FRY: variants seen among roughly 807,000 people sequenced by gnomAD.
FRY encodes protein furry homolog.
FRY carries 128 observed loss-of-function variants against 348.4 expected under a neutral mutation model. The ratio of observed to expected loss-of-function variants is 0.37; its 90% CI spans 0.32 to 0.43. The LOEUF (loss-of-function observed/expected upper bound fraction) is 0.43, where lower values mean the gene tolerates loss of function less well. FRY is among the 20% of genes least tolerant of loss of function. The probability of loss-of-function intolerance (pLI) is 1.00; values close to 1 mark genes in which losing one functional copy is unlikely to be tolerated. For synonymous variants in FRY, 1,370 were observed against 1,374.7 expected, an observed-to-expected ratio of 1.00 and a Z score of 0.08; for missense variants, 2,736 against 3,695.2, an observed-to-expected ratio of 0.74 and a Z score of 6.73.
chr13:32,258,974 T>C (rs550694877), intron 51 of FRY, among the ~76,000 whole-genome samples: 1 of 152,244 alleles, frequency 6.6e-6, no homozygotes, highest in East Asian at 1.9e-4. Context: ...TGAAAAAAAG[T>C]GTCAAAAAAT....
At chr13:32,117,308 C>T (rs374711646) in intron 3 of FRY, 26 bp from the exon 4 acceptor site, 7 of 1,611,972 alleles carry the variant, frequency 4.3e-6, no homozygotes, top group Non-Finnish European at 5.9e-6. Flanking sequence ...TACCAGTGTT[C>T]TAATCACCTG....
intron 29 of FRY, among the ~76,000 whole-genome samples, chr13:32,200,277 C>T (rs181034144): frequency 2.6e-5 from 4 of 152,258 alleles, no homozygotes; most frequent in African/African-American, 7.2e-5. Context: ...TAAAACAGAA[C>T]TTCTTAGATA....
At chr13:32,158,289 T>C (rs1216743058) in intron 16 of FRY, among the ~76,000 whole-genome samples, 2 of 152,200 alleles carry the variant, frequency 1.3e-5, no homozygotes, top group Non-Finnish European at 2.9e-5. Context: ...GTTTCTTGGA[T>C]CAATGTGATT....
chr13:32,290,424 C>A (rs555634683), intron 59 of FRY, among the ~76,000 whole-genome samples: 17 of 152,180 alleles, frequency 1.1e-4, no homozygotes, highest in African/African-American at 3.9e-4. Context: ...AATGGACTCT[C>A]AGAGGGTGAG....
chr13:32,242,321 G>C (rs537534787), intron 46 of FRY, among the ~76,000 whole-genome samples: 15 of 152,146 alleles, frequency 9.9e-5, no homozygotes, highest in Non-Finnish European at 2.2e-4. Flanking sequence ...CGAGAAGTTG[G>C]TCTTCATAAA....
chr13:32,183,291 C>CT (rs1882816540), intron 24 of FRY, among the ~76,000 whole-genome samples: 2 of 152,254 alleles, frequency 1.3e-5, no homozygotes, highest in African/African-American at 4.8e-5. Context: ...CTATTACATT[C>CT]TTTTGCAGGA....
chr13:32,191,739 A>G (rs1331195433), intron 28 of FRY, among the ~76,000 whole-genome samples: 3 of 152,282 alleles, frequency 2.0e-5, no homozygotes, highest in African/African-American at 7.2e-5. Context: ...CTCACTTGAC[A>G]TAAGAGACAA....
In FRY at chr13:32,081,139, A is replaced by G. The variant is rs565367042; in HGVS notation, c.270+2106A>G. 1.4e-4 allele frequency among the ~76,000 whole-genome samples: 22 copies of G among 152,266 alleles called. No individual in the cohort carries two copies. In the South Asian group the frequency reaches 4.6e-3, roughly 32 times the overall value. On this transcript the variant is annotated intron_variant, in intron 2 of 60. Coordinates refer to ENST00000542859, the MANE Select transcript of FRY (RefSeq NM_023037.3). ...TAGCATTCTTTTAATAGAAGTAGAC[A>G]TTTTTGTTCCTCTCTATGAAACAAC... is the stretch of plus-strand genomic sequence containing the variant.
intron 50 of FRY, among the ~76,000 whole-genome samples, chr13:32,252,336 T>C (rs1887126653): frequency 6.6e-6 from 1 of 152,208 alleles, no homozygotes; most frequent in Non-Finnish European, 1.5e-5. Context: ...TACACACGCT[T>C]CTTACTCTCA....
chr13:32,092,835 A>T (rs1566066369), intron 2 of FRY, among the ~76,000 whole-genome samples: 1 of 152,224 alleles, frequency 6.6e-6, no homozygotes, highest in African/African-American at 2.4e-5. Context: ...TCCGTTTTAT[A>T]GCTCCACCAG....
intron 11 of FRY, among the ~76,000 whole-genome samples, chr13:32,145,583 G>T (rs1474943600): frequency 6.3e-5 from 9 of 141,740 alleles, no homozygotes; most frequent in African/African-American, 2.4e-4. Context: ...TGTCGCCCAG[G>T]CCGGACTGCG....
At chr13:32,276,268 G>A (rs528221602) in intron 56 of FRY, among the ~76,000 whole-genome samples, 196 bp from the exon 57 acceptor site, 91 of 152,268 alleles carry the variant, frequency 6.0e-4, no homozygotes, top group South Asian at 1.4e-3. Flanking sequence ...TTCATAGGAG[G>A]TGTGCATTAT....
At chr13:32,259,291 A>G (rs1887502881) in intron 51 of FRY, among the ~76,000 whole-genome samples, 1 of 152,216 alleles carries the variant, frequency 6.6e-6, no homozygotes, top group Non-Finnish European at 1.5e-5. Flanking sequence ...ATGTTGTTCC[A>G]TCATCTCAAC....
At chr13:32,256,154 C>A (rs1238337720) in intron 51 of FRY, among the ~76,000 whole-genome samples, 7 of 152,066 alleles carry the variant, frequency 4.6e-5, no homozygotes, top group Admixed American at 2.6e-4. Flanking sequence ...GAATACTACA[C>A]CTTTTTTTCT....
intron 4 of FRY, among the ~76,000 whole-genome samples, chr13:32,122,120 A>G (rs1241338927): frequency 6.6e-6 from 1 of 152,178 alleles, no homozygotes; most frequent in Non-Finnish European, 1.5e-5. Flanking sequence ...AAAAACAAAA[A>G]TCACATGTTC....
At chr13:32,105,476 A>C (rs1384225272) in intron 3 of FRY, among the ~76,000 whole-genome samples, 1 of 152,190 alleles carries the variant, frequency 6.6e-6, no homozygotes, top group Non-Finnish European at 1.5e-5. Context: ...CAACCAACAA[A>C]CTATAAGAAT....
intron 13 of FRY, among the ~76,000 whole-genome samples, chr13:32,148,659 T>A (rs1880608108): frequency 6.6e-6 from 1 of 152,184 alleles, no homozygotes; most frequent in South Asian, 2.1e-4. Flanking sequence ...CTTAAACAAG[T>A]CAGAGAACAT....
At chr13:32,193,976 A>T (rs1883518228) in intron 28 of FRY, among the ~76,000 whole-genome samples, 167 bp from the exon 29 acceptor site, 1 of 152,218 alleles carries the variant, frequency 6.6e-6, no homozygotes, top group Non-Finnish European at 1.5e-5. Flanking sequence ...TTCAGTTTTC[A>T]GTTACGACAT....
chr13:32,035,690 C>T (rs1872472694), intron 1 of FRY, among the ~76,000 whole-genome samples: 1 of 152,188 alleles, frequency 6.6e-6, no homozygotes, highest in African/African-American at 2.4e-5. Context: ...CTTTCCAGGG[C>T]AGTGTGAATC....
Sources: gnomAD v4.1 joint callset for allele counts (sites outside exome capture counted in the v4.1 genomes callset) on GRCh38, gnomAD v4.1.1 for gene constraint, MANE v1.5 for transcripts, NCBI Gene and HGNC (gene_info 2026-07-23, HGNC 2026-07-21) for gene names.